The following NOL4 variants were observed in gnomAD, a reference collection of about 807,000 sequenced individuals.
NOL4 encodes the protein nucleolar protein 4.
A neutral mutation model predicts 75.9 loss-of-function variants in NOL4; 17 were observed. That is an observed-to-expected ratio of 0.22 (90% CI 0.15 to 0.34). NOL4 has a LOEUF of 0.34. NOL4 is among the 10% of genes least tolerant of loss of function. NOL4 has a pLI of 1.00. For missense variants in NOL4, 614 were observed against 793.5 expected (o/e 0.77, Z 2.72); for synonymous variants, 292 against 289.9 (o/e 1.01, Z -0.07).
chr18:33,959,761 G>A (rs1397933770), intron 6 of NOL4, among the ~76,000 whole-genome samples: 1 of 151,974 alleles, frequency 6.6e-6, no homozygotes, highest in Non-Finnish European at 1.5e-5. Flanking sequence ...TAGCAACCTG[G>A]TGAGAAAGGA....
chr18:33,872,967 T>C (rs1376229626), intron 10 of NOL4, among the ~76,000 whole-genome samples: 1 of 152,004 alleles, frequency 6.6e-6, no homozygotes, highest in Non-Finnish European at 1.5e-5. Flanking sequence ...TTGTTTCTTT[T>C]ATAACCAAAG....
At chr18:34,002,098 A>T (rs1262655998) in intron 6 of NOL4, among the ~76,000 whole-genome samples, 2 of 152,118 alleles carry the variant, frequency 1.3e-5, no homozygotes, top group Non-Finnish European at 2.9e-5. Context: ...GGCATTTTAA[A>T]TTGTCTCCTT....
At chr18:33,957,221 A>G (rs912850449) in intron 8 of NOL4, 105 bp downstream of exon 8, 17 of 932,902 alleles carry the variant, frequency 1.8e-5, no homozygotes, top group Non-Finnish European at 2.7e-5. Context: ...ACCTGACATT[A>G]TGGAAAAAAA....
intron 9 of NOL4, among the ~76,000 whole-genome samples, chr18:33,916,977 T>A (rs1485155128): frequency 6.6e-6 from 1 of 152,190 alleles, no homozygotes; most frequent in Non-Finnish European, 1.5e-5. Context: ...AATTCAGCAT[T>A]ATCTTTACTT....
chr18:34,212,756 C>T (rs4603641), intron 1 of NOL4, among the ~76,000 whole-genome samples: 95,075 of 151,982 alleles, frequency 0.63, 29,849 homozygotes, highest in East Asian at 0.72. Context: ...TGCTCGTTGT[C>T]AGCCAAGAGT....
chr18:34,197,162 A>G (rs1004166066), intron 1 of NOL4, among the ~76,000 whole-genome samples: 26 of 152,086 alleles, frequency 1.7e-4, no homozygotes, highest in Admixed American at 1.6e-3. Flanking sequence ...TTTTAGTGAT[A>G]GTCAATATTC....
chr18:34,195,930 C>A (rs996245616), intron 1 of NOL4, among the ~76,000 whole-genome samples: 1 of 151,978 alleles, frequency 6.6e-6, no homozygotes, highest in African/African-American at 2.4e-5. Flanking sequence ...TTTTTCTGTT[C>A]TTCAGGGTAA....
chr18:33,995,562 C>T (rs543451417), intron 6 of NOL4, among the ~76,000 whole-genome samples: 19 of 151,528 alleles, frequency 1.3e-4, no homozygotes, highest in Non-Finnish European at 2.7e-4. Context: ...ACTTAACAAA[C>T]TAGAAATCAA....
At chr18:33,876,750 C>T (rs2063952806) in intron 10 of NOL4, among the ~76,000 whole-genome samples, 1 of 151,990 alleles carries the variant, frequency 6.6e-6, no homozygotes, top group Admixed American at 6.6e-5. Flanking sequence ...ATTGTGGGCC[C>T]AATCAATCTA....
At chr18:33,972,819 A>G (rs923259852) in intron 6 of NOL4, among the ~76,000 whole-genome samples, 2 of 152,208 alleles carry the variant, frequency 1.3e-5, no homozygotes, top group African/African-American at 4.8e-5. Context: ...AAAATACTCT[A>G]TTTCTAAAAA....
rs529712757 is a variant in NOL4, at chr18:34,182,514, AC to A, written c.264+40475del. On this transcript the variant is annotated intron_variant, in intron 1 of 10. Coordinates refer to ENST00000261592, the MANE Select transcript of NOL4 (RefSeq NM_003787.5). Reference sequence around the variant, plus strand: ...GCACAGCCTTGTGAATATATTTAAAACCAATAAAATATACACTTTAAAACAG... The same window carrying A: ...GCACAGCCTTGTGAATATATTTAAAACAATAAAATATACACTTTAAAACAG... 3.9e-3 allele frequency among the ~76,000 whole-genome samples: 593 copies of A among 151,776 alleles called. 4 individuals are homozygous for A. Among genetic ancestry groups the A allele is most frequent in the Non-Finnish European group, 7.1e-3 (479 of 67,656 alleles).
intron 9 of NOL4, among the ~76,000 whole-genome samples, chr18:33,921,405 A>C (rs931762963): frequency 2.0e-5 from 3 of 152,136 alleles, no homozygotes; most frequent in African/African-American, 7.2e-5. Flanking sequence ...CTATGGGTTG[A>C]ATTGTGTCCC....
At position 34,130,028 on chromosome 18, in the gene NOL4, C is replaced by A. The variant is rs771263862; in HGVS notation, c.265-8G>T. 6 of 1,524,596 alleles carry A rather than the reference C, an allele frequency of 3.9e-6. No homozygotes were observed. The South Asian group carries it at 8.0e-5, about 20-fold the overall frequency. 94.4% of individuals were successfully genotyped at this position (1,524,596 alleles called of 1,614,324 possible). On this transcript the variant is annotated splice_region_variant and splice_polypyrimidine_tract_variant and intron_variant, in intron 1 of 10. Transcript: ENST00000261592. Reference sequence around the variant, plus strand: ...ATCTACCCCTACGCCATCCTGGAAACAAAACAACAACAACAAAAACCCATA... The same window carrying A: ...ATCTACCCCTACGCCATCCTGGAAAAAAAACAACAACAACAAAAACCCATA...
chr18:34,054,615 G>A (rs2076757392), intron 5 of NOL4, among the ~76,000 whole-genome samples: 1 of 151,786 alleles, frequency 6.6e-6, no homozygotes, highest in South Asian at 2.1e-4. Flanking sequence ...TGTTAGTCTA[G>A]TAGACAGCAT....
intron 6 of NOL4, among the ~76,000 whole-genome samples, chr18:34,002,541 G>C (rs1373835480): frequency 1.3e-5 from 2 of 151,956 alleles, no homozygotes; most frequent in African/African-American, 4.8e-5. Flanking sequence ...CCAACGTCTT[G>C]CTAATGAACA....
chr18:34,025,099 C>A (rs1568235524), intron 5 of NOL4, among the ~76,000 whole-genome samples: 1 of 152,128 alleles, frequency 6.6e-6, no homozygotes, highest in Admixed American at 6.6e-5. Context: ...ATTTTAATCT[C>A]ATTTTATAAA....
At chr18:33,889,336 T>G (rs1160977406) in intron 9 of NOL4, among the ~76,000 whole-genome samples, 1 of 152,102 alleles carries the variant, frequency 6.6e-6, no homozygotes, top group African/African-American at 2.4e-5. Context: ...GTTGAATCTC[T>G]GAATACAGCA....
intron 1 of NOL4, among the ~76,000 whole-genome samples, chr18:34,191,444 G>C (rs1413394610): frequency 6.6e-6 from 1 of 151,972 alleles, no homozygotes; most frequent in Non-Finnish European, 1.5e-5. Context: ...TATACAAAAA[G>C]TTCCAGAGGC....
intron 1 of NOL4, chr18:34,222,115 C>T: frequency 1.3e-6 from 2 of 1,533,886 alleles, no homozygotes; most frequent in Non-Finnish European, 1.7e-6. Flanking sequence ...GACGCTGCTG[C>T]GGCTCCCCAG....
Sources: gnomAD v4.1 joint callset for allele counts (sites outside exome capture counted in the v4.1 genomes callset) on GRCh38, gnomAD v4.1.1 for gene constraint, MANE v1.5 for transcripts, NCBI Gene and HGNC (gene_info 2026-07-23, HGNC 2026-07-21) for gene names.